The following CNTNAP2 variants were observed in gnomAD, a reference collection of about 807,000 sequenced individuals.
The protein encoded by CNTNAP2 is contactin associated protein 2.
Under a neutral mutation model 155.2 loss-of-function variants are expected in CNTNAP2, and 98 were observed. The ratio of observed to expected loss-of-function variants is 0.63; its 90% CI spans 0.54 to 0.75. The LOEUF (loss-of-function observed/expected upper bound fraction) is 0.75. Ranked by LOEUF, CNTNAP2 falls within the 30% of genes least tolerant of loss-of-function variation. CNTNAP2 has a pLI of 0.00. For missense variants in CNTNAP2, 1,727 were observed against 1,688.1 expected, an observed-to-expected ratio of 1.02 and a Z score of -0.40; for synonymous variants, 651 against 631.2, an observed-to-expected ratio of 1.03 and a Z score of -0.47.
intron 23 of CNTNAP2, among the ~76,000 whole-genome samples, chr7:148,410,994 G>A (rs1053335172): frequency 5.3e-5 from 8 of 152,078 alleles, no homozygotes; most frequent in Admixed American, 2.0e-4. Flanking sequence ...CATGTACCCC[G>A]TAAATTTGCA....
intron 10 of CNTNAP2, among the ~76,000 whole-genome samples, chr7:147,445,863 T>C (rs1342582021): frequency 1.3e-5 from 2 of 152,086 alleles, no homozygotes; most frequent in African/African-American, 2.4e-5. Context: ...GGCATGAACA[T>C]GGCTCAGGGT....
chr7:147,376,214 C>T (rs1796431122), intron 9 of CNTNAP2, among the ~76,000 whole-genome samples: 3 of 152,006 alleles, frequency 2.0e-5, no homozygotes, highest in South Asian at 2.1e-4. Context: ...TATGATAACT[C>T]GGTAGTGAGA....
At chr7:148,348,172 C>T (rs903057292) in intron 21 of CNTNAP2, among the ~76,000 whole-genome samples, 2 of 152,130 alleles carry the variant, frequency 1.3e-5, no homozygotes, top group Non-Finnish European at 2.9e-5. Flanking sequence ...GCCACCCATC[C>T]GTCTCATTGA....
intron 1 of CNTNAP2, among the ~76,000 whole-genome samples, chr7:146,759,718 T>TG (rs1802058168): frequency 5.7e-5 from 3 of 53,056 alleles, no homozygotes; most frequent in African/African-American, 7.6e-5. Context: ...AAAAGGTGGG[T>TG]GGGGTGGGGT....
chr7:146,572,479 A>G (rs576361956), intron 1 of CNTNAP2, among the ~76,000 whole-genome samples: 1 of 152,122 alleles, frequency 6.6e-6, no homozygotes, highest in South Asian at 2.1e-4. Flanking sequence ...CATTGCTATT[A>G]ACCAAAACTA....
chr7:146,735,907 G>T (rs76126282), intron 1 of CNTNAP2, among the ~76,000 whole-genome samples: 1 of 151,920 alleles, frequency 6.6e-6, no homozygotes, highest in Non-Finnish European at 1.5e-5. Flanking sequence ...AGAGGATTTC[G>T]AACGTTCCCA....
At chr7:147,116,925 G>A (rs1801003290) in intron 5 of CNTNAP2, among the ~76,000 whole-genome samples, 1 of 152,212 alleles carries the variant, frequency 6.6e-6, no homozygotes, top group Non-Finnish European at 1.5e-5. Context: ...AAAGCCCACA[G>A]GCTGCAAAGG....
At chr7:147,132,048 A>T (rs1438825219) in intron 7 of CNTNAP2, among the ~76,000 whole-genome samples, 197 bp from the exon 8 acceptor site, 2 of 152,128 alleles carry the variant, frequency 1.3e-5, no homozygotes, top group Non-Finnish European at 2.9e-5. Context: ...ACTGCTGCTC[A>T]GTAGTAGGTC....
At chr7:146,657,297 AT>A (rs1324467438) in intron 1 of CNTNAP2, among the ~76,000 whole-genome samples, 1 of 152,108 alleles carries the variant, frequency 6.6e-6, no homozygotes, top group African/African-American at 2.4e-5. Context: ...TGCTTTACAG[AT>A]CTTTAATGTG....
At chr7:146,380,265 A>G (rs1234500515) in intron 1 of CNTNAP2, among the ~76,000 whole-genome samples, 3 of 152,206 alleles carry the variant, frequency 2.0e-5, no homozygotes, top group Non-Finnish European at 4.4e-5. Context: ...AGTACACTTA[A>G]TTACTGTTTA....
chr7:147,321,700 C>A (rs898227177), intron 9 of CNTNAP2, among the ~76,000 whole-genome samples: 4 of 152,126 alleles, frequency 2.6e-5, no homozygotes, highest in African/African-American at 4.8e-5. Flanking sequence ...CAGTTGGCAC[C>A]TAATTTGCCT....
intron 16 of CNTNAP2, among the ~76,000 whole-genome samples, chr7:148,137,453 A>G (rs1461744810): frequency 6.6e-6 from 1 of 152,184 alleles, no homozygotes; most frequent in Non-Finnish European, 1.5e-5. Context: ...TGAGTTCAGG[A>G]GTTCGAGACC....
At chr7:148,230,701 C>T (rs11977681) in intron 20 of CNTNAP2, among the ~76,000 whole-genome samples, 38,362 of 152,078 alleles carry the variant, frequency 0.25, 4,863 homozygotes, top group Middle Eastern at 0.3. Flanking sequence ...GGAGTTTGCG[C>T]GTGGCCTTTA....
At chr7:146,442,581 G>A (rs978163839) in intron 1 of CNTNAP2, among the ~76,000 whole-genome samples, 2 of 152,114 alleles carry the variant, frequency 1.3e-5, no homozygotes, top group African/African-American at 4.8e-5. Context: ...GGTACCTCTT[G>A]AAAGAGCCTG....
At chr7:147,294,477 A>G (rs896778819) in intron 8 of CNTNAP2, among the ~76,000 whole-genome samples, 3 of 152,264 alleles carry the variant, frequency 2.0e-5, no homozygotes, top group Middle Eastern at 3.4e-3. Context: ...ATATCACTGT[A>G]TATGTTTTCC....
intron 12 of CNTNAP2, among the ~76,000 whole-genome samples, chr7:147,573,307 T>C (rs1172609261): frequency 6.6e-6 from 1 of 152,228 alleles, no homozygotes; most frequent in African/African-American, 2.4e-5. Context: ...ACATAATTAT[T>C]AATCTCATGT....
intron 13 of CNTNAP2, among the ~76,000 whole-genome samples, chr7:147,835,953 G>A (rs1401511661): frequency 1.3e-5 from 2 of 152,218 alleles, no homozygotes; most frequent in African/African-American, 2.4e-5. Context: ...TGTGGAGGGA[G>A]TGCAGTCCTG....
chr7:148,006,642 G>T (rs1474781458), intron 15 of CNTNAP2, among the ~76,000 whole-genome samples: 1 of 97,822 alleles, frequency 1.0e-5, no homozygotes. Context: ...TTATATCCCA[G>T]ACAAAAAAAA....
At position 147,955,033 on chromosome 7, in the gene CNTNAP2, C is replaced by T. The variant is rs568354099; in HGVS notation, c.2256-22829C>T. ...AGATAGTGCAGCAAAGTTGAGCCACCGACACTGAATTTCCCACCACAAGTG... is the reference window on the plus strand; with the variant it reads ...AGATAGTGCAGCAAAGTTGAGCCACTGACACTGAATTTCCCACCACAAGTG... On this transcript the variant is annotated intron_variant, in intron 14 of 23. Coordinates refer to ENST00000361727, the MANE Select transcript of CNTNAP2 (RefSeq NM_014141.6). Among the ~76,000 whole-genome samples, 5 of 152,224 alleles carry T rather than the reference C, an allele frequency of 3.3e-5. No individual in the cohort carries two copies. In the East Asian group the frequency reaches 7.7e-4, roughly 24 times the overall value.
Sources: gnomAD v4.1 joint callset for allele counts (sites outside exome capture counted in the v4.1 genomes callset) on GRCh38, gnomAD v4.1.1 for gene constraint, MANE v1.5 for transcripts, NCBI Gene and HGNC (gene_info 2026-07-23, HGNC 2026-07-21) for gene names.